The following FBXW8 variants were observed in gnomAD, a reference collection of about 807,000 sequenced individuals.
FBXW8 encodes F-box and WD repeat domain containing 8.
A neutral mutation model predicts 65.3 loss-of-function variants in FBXW8; 57 were observed. That is an observed-to-expected ratio of 0.87 (90% confidence interval 0.71 to 1.09). FBXW8 has a LOEUF of 1.09. FBXW8 is among the 50% of genes least tolerant of loss of function. The pLI is 0.00. For missense variants in FBXW8, 777 were observed against 814.8 expected (o/e 0.95, Z 0.57); for synonymous variants, 308 against 330.2 (o/e 0.93, Z 0.73).
chr12:116,988,985 A>G (rs1953171901), intron 7 of FBXW8, 116 bp downstream of exon 7: 4 of 909,056 alleles, frequency 4.4e-6, no homozygotes, highest in Non-Finnish European at 6.6e-6. Flanking sequence ...GCCAGTATAT[A>G]AGCATGGTCA....
At chr12:117,014,042 T>G (rs1953889678) in intron 8 of FBXW8, among the ~76,000 whole-genome samples, 1 of 152,168 alleles carries the variant, frequency 6.6e-6, no homozygotes, top group Non-Finnish European at 1.5e-5. Flanking sequence ...CTCCTCTCCT[T>G]CCAGTAACCT....
chr12:116,913,537 A>G lies in FBXW8; in HGVS notation c.318+2182A>G, dbSNP rs183864615. On this transcript the variant is annotated intron_variant, in intron 1 of 10. Transcript: ENST00000652555. ...GAGAAAGTGTCATTAAGAAAATTAT[A>G]AGAGAAAATGTATTTACTATTCATT... 3.9e-5 allele frequency among the ~76,000 whole-genome samples: 6 copies of G among 152,310 alleles called. No individual in the cohort carries two copies. The East Asian group carries it at 1.2e-3, about 29-fold the overall frequency.
At chr12:116,944,809 C>G (rs1194011054) in intron 2 of FBXW8, among the ~76,000 whole-genome samples, 1 of 152,170 alleles carries the variant, frequency 6.6e-6, no homozygotes, top group African/African-American at 2.4e-5. Flanking sequence ...ATCTTACAGT[C>G]CTGGATAATG....
At chr12:116,923,407 A>C (rs1881058581) in intron 1 of FBXW8, among the ~76,000 whole-genome samples, 1 of 152,202 alleles carries the variant, frequency 6.6e-6, no homozygotes, top group African/African-American at 2.4e-5. Flanking sequence ...TCAAACAGAT[A>C]CTTTTCCTTA....
chr12:117,002,852 C>T (rs1353480090), intron 7 of FBXW8: 2 of 152,138 alleles, frequency 1.3e-5, no homozygotes. Context: ...AGTCTTAGCT[C>T]ATCTGTGAAT....
intron 1 of FBXW8, among the ~76,000 whole-genome samples, chr12:116,912,407 C>G (rs989642006): frequency 1.1e-4 from 16 of 149,686 alleles, no homozygotes; most frequent in Non-Finnish European, 2.4e-4. Context: ...CCAGTCTGGT[C>G]TCAAACTCCT....
At chr12:116,912,360 T>A (rs1045080118) in intron 1 of FBXW8, among the ~76,000 whole-genome samples, 2 of 151,846 alleles carry the variant, frequency 1.3e-5, no homozygotes, top group Non-Finnish European at 2.9e-5. Flanking sequence ...GCTAATTTTT[T>A]AAATTTTTTG....
rs1592867669 is a variant in FBXW8 at position 116,943,469 on chromosome 12, C to T, written c.424-1895C>T. ...TGCACCTCCTGAAGTCTCTGCTTGG[C>T]TAGCTTAGTGGTTAGCTAGTTATCA... On this transcript the variant is annotated intron_variant, in intron 2 of 10. Transcript: ENST00000652555. Among the ~76,000 whole-genome samples the T allele has an allele frequency of 2.6e-5, 4 of 152,304 alleles. No homozygotes were observed. The East Asian group carries it at 7.7e-4, about 29-fold the overall frequency.
At chr12:116,958,330 A>G (rs868643740) in intron 4 of FBXW8, among the ~76,000 whole-genome samples, 2 of 152,220 alleles carry the variant, frequency 1.3e-5, no homozygotes, top group Non-Finnish European at 2.9e-5. Flanking sequence ...AATACCAAAG[A>G]AGCAAAGGAG....
intron 7 of FBXW8, among the ~76,000 whole-genome samples, chr12:117,000,210 T>G (rs1398133671): frequency 1.3e-5 from 2 of 152,130 alleles, no homozygotes; most frequent in Non-Finnish European, 2.9e-5. Flanking sequence ...TCTCCTGACC[T>G]CATGATCCGC....
chr12:116,996,661 T>C (rs2135688511), intron 7 of FBXW8, among the ~76,000 whole-genome samples: 1 of 152,312 alleles, frequency 6.6e-6, no homozygotes, highest in Non-Finnish European at 1.5e-5. Context: ...CTTAAACCTT[T>C]AATGTTTTTA....
In FBXW8 at chr12:116,988,788, G is replaced by T; in HGVS notation, c.1158G>T (p.Pro386=). Residue 386 remains proline (P), a synonymous_variant, in exon 7 of 11, where the codon CCG becomes CCT. Coordinates refer to ENST00000652555, the MANE Select transcript of FBXW8 (RefSeq NM_153348.3). ...GAACCCTCCTTTACGCCCACGGCCC[G>T]CCTGTCACATGTCTAGACGTCTCGG... ...SARTLLYAHG[P]PVTCLDVSAN... The T allele has an allele frequency of 6.2e-7, 1 of 1,614,140 alleles. No homozygotes were observed. The highest frequency in any genetic ancestry group is 1.6e-4 in the Middle Eastern group (1 of 6,062).
intron 10 of FBXW8, 25 bp downstream of exon 10, chr12:117,027,529 A>G: frequency 2.5e-6 from 4 of 1,580,456 alleles, no homozygotes; most frequent in Non-Finnish European, 2.6e-6. Context: ...CGGGCGAGTA[A>G]GAGACCATCT....
chr12:117,021,036 T>C (rs920831736), intron 8 of FBXW8, among the ~76,000 whole-genome samples: 2 of 152,170 alleles, frequency 1.3e-5, no homozygotes. Flanking sequence ...TGGTTGGATA[T>C]TGCCAAGTCA....
chr12:116,933,654 C>G (rs183696544), intron 2 of FBXW8, among the ~76,000 whole-genome samples: 40 of 152,316 alleles, frequency 2.6e-4, no homozygotes, highest in African/African-American at 8.4e-4. Flanking sequence ...TATTCTTAAA[C>G]AGAACCCCGT....
Position 116,988,779 on chromosome 12 carries a change from C to G in FBXW8, c.1149C>G (p.Ala383=). The part of the protein sequence containing the change: ...AEDSARTLLY[A]HGPPVTCLDV... ...ACTCCGCCAGAACCCTCCTTTACGC[C>G]CACGGCCCGCCTGTCACATGTCTAG... Residue 383 remains alanine, a synonymous_variant, in exon 7 of 11, where the codon GCC becomes GCG. Coordinates refer to ENST00000652555, the MANE Select transcript of FBXW8 (RefSeq NM_153348.3). The G allele has an allele frequency of 6.2e-7, 1 of 1,614,188 alleles. No individual in the cohort carries two copies. Among genetic ancestry groups the G allele is most frequent in the Non-Finnish European group, 8.5e-7 (1 of 1,180,048 alleles).
At chr12:116,976,844 G>A (rs540177935) in intron 5 of FBXW8, among the ~76,000 whole-genome samples, 1 of 152,096 alleles carries the variant, frequency 6.6e-6, no homozygotes, top group Admixed American at 6.5e-5. Context: ...AAAATTTATC[G>A]GTTTCATATA....
chr12:117,006,304 T>C (rs1415544383), intron 7 of FBXW8, among the ~76,000 whole-genome samples: 7 of 152,250 alleles, frequency 4.6e-5, no homozygotes, highest in East Asian at 3.8e-4. Flanking sequence ...AAGTGGTTCA[T>C]GATTAATTAT....
At chr12:117,026,471 C>T (rs1319369983) in intron 9 of FBXW8, among the ~76,000 whole-genome samples, 2 of 152,224 alleles carry the variant, frequency 1.3e-5, no homozygotes, top group African/African-American at 4.8e-5. Flanking sequence ...CAACACTTTC[C>T]TTCTGTGGGT....
Sources: gnomAD v4.1 joint callset for allele counts (sites outside exome capture counted in the v4.1 genomes callset) on GRCh38, gnomAD v4.1.1 for gene constraint, MANE v1.5 for transcripts, NCBI Gene and HGNC (gene_info 2026-07-23, HGNC 2026-07-21) for gene names.